Variants in BRINP3 observed in about 807,000 individuals in gnomAD.
BRINP3 encodes the protein BMP/retinoic acid-inducible neural-specific protein 3.
A neutral mutation model predicts 71.0 loss-of-function variants in BRINP3; 19 were observed. The ratio of observed to expected loss-of-function variants is 0.27; its 90% CI spans 0.19 to 0.39. BRINP3 has a LOEUF of 0.39. BRINP3 is among the 10% of genes least tolerant of loss of function. The probability of loss-of-function intolerance (pLI) is 1.00; values close to 1 mark genes in which losing one functional copy is unlikely to be tolerated. For missense variants in BRINP3, 959 were observed against 940.8 expected (o/e 1.02, Z -0.25); for synonymous variants, 380 against 337.7 (o/e 1.13, Z -1.37).
intron 2 of BRINP3, among the ~76,000 whole-genome samples, chr1:190,447,879 T>A (rs1169221126): frequency 6.6e-6 from 1 of 151,690 alleles, no homozygotes. Context: ...ATATTTTGCC[T>A]GATCATAAAA....
At chr1:190,277,087 T>TTATATATATATA (rs1222129309) in intron 3 of BRINP3, among the ~76,000 whole-genome samples, 1,815 of 35,940 alleles carry the variant, frequency 0.051, 115 homozygotes, top group Non-Finnish European at 0.058. Context: ...AATTTTGGTT[T>TTATATATATATA]TATATATATA....
chr1:190,353,120 T>C (rs1668504801), intron 2 of BRINP3, among the ~76,000 whole-genome samples: 1 of 150,224 alleles, frequency 6.7e-6, no homozygotes, highest in Non-Finnish European at 1.5e-5. Context: ...CCAGAGAACA[T>C]GTTGTGTTTT....
chr1:190,400,322 C>T lies in BRINP3; in HGVS notation c.236+54333G>A, dbSNP rs924061627. Reference sequence around the variant, plus strand: ...AATTCGGAATAAATAAGTCACAAAACAATATTGAAATAGTATAAGACAATG... The same window carrying T: ...AATTCGGAATAAATAAGTCACAAAATAATATTGAAATAGTATAAGACAATG... On this transcript the variant is annotated intron_variant, in intron 2 of 7. Transcript: ENST00000367462. Among the ~76,000 whole-genome samples, 50 of 152,094 alleles carry T rather than the reference C, an allele frequency of 3.3e-4. 1 individual carries two copies. Among genetic ancestry groups the T allele is most frequent in the Admixed American group, 3.1e-3 (48 of 15,266 alleles).
intron 1 of BRINP3, among the ~76,000 whole-genome samples, chr1:190,463,385 A>G (rs934664078): frequency 2.6e-5 from 4 of 151,684 alleles, no homozygotes; most frequent in African/African-American, 9.7e-5. Context: ...GGTCATTTCT[A>G]ACAAGTATTA....
intron 1 of BRINP3, among the ~76,000 whole-genome samples, chr1:190,463,070 G>T (rs1281736751): frequency 6.6e-6 from 1 of 151,684 alleles, no homozygotes; most frequent in Non-Finnish European, 1.5e-5. Flanking sequence ...GATATTTATT[G>T]GGTTGAAAAG....
intron 2 of BRINP3, among the ~76,000 whole-genome samples, chr1:190,283,495 A>C (rs1007118402): frequency 2.6e-5 from 4 of 151,778 alleles, no homozygotes; most frequent in African/African-American, 9.7e-5. Context: ...AATTTATTAT[A>C]ATGTTCCCTC....
intron 2 of BRINP3, among the ~76,000 whole-genome samples, chr1:190,315,216 G>T (rs1377550027): frequency 6.6e-6 from 1 of 152,088 alleles, no homozygotes; most frequent in Non-Finnish European, 1.5e-5. Context: ...AGGAAACAGG[G>T]AGGACTGAAT....
chr1:190,276,961 A>G (rs1459182148), intron 3 of BRINP3, among the ~76,000 whole-genome samples: 1 of 149,590 alleles, frequency 6.7e-6, no homozygotes, highest in African/African-American at 2.4e-5. Context: ...TAAATTGTAC[A>G]TTCAATAACA....
Position 190,390,377 on chromosome 1 carries a change from C to T in BRINP3, c.236+64278G>A, listed in dbSNP as rs891549473. Among the ~76,000 whole-genome samples the T allele has an allele frequency of 2.6e-5, 4 of 151,748 alleles. No individual in the cohort carries two copies. In the East Asian group the frequency reaches 7.8e-4, roughly 29 times the overall value. On this transcript the variant is annotated intron_variant, in intron 2 of 7. Transcript: ENST00000367462. ...GTAATGACAATGTCTAAGACATGAC[C>T]ATGGTGTGAATGCTTAGATAGAAAA...
In BRINP3 at chr1:190,203,776, T is replaced by A. The variant is rs1319374784; in HGVS notation, c.961+22306A>T. On this transcript the variant is annotated intron_variant, in intron 6 of 7. Transcript: ENST00000367462. ...ATATATATATATATATATATATATA[T>A]ATATATATATATATATATATATATA... 4.1e-4 allele frequency among the ~76,000 whole-genome samples: 33 copies of A among 80,490 alleles called. 1 individual carries two copies. The highest frequency in any genetic ancestry group is 1.3e-3 in the South Asian group (3 of 2,354). The allele number at this position is 80,490 out of a possible 152,430, so 52.8% of individuals were successfully genotyped here.
intron 2 of BRINP3, among the ~76,000 whole-genome samples, chr1:190,323,595 T>C (rs1189689236): frequency 7.1e-6 from 1 of 140,806 alleles, no homozygotes; most frequent in South Asian, 2.2e-4. Flanking sequence ...CTTAAGAAAA[T>C]ACAAAAAAAA....
rs376141268 is a variant in BRINP3 at position 190,099,009 on chromosome 1, G to A, written c.1310C>T (p.Ala437Val). 17 of 1,614,048 alleles carry A rather than the reference G, an allele frequency of 1.1e-5. No homozygotes were observed. Among genetic ancestry groups the A allele is most frequent in the African/African-American group, 2.7e-5 (2 of 74,934 alleles). The part of the protein sequence containing the change: ...TCPNDQVVCT[A>V]FLPCTVGDAS... The stretch of plus-strand genomic sequence containing the variant: ...GTCTCCCACTGTGCAGGGCAGGAAC[G>A]CGGTGCAGACCACCTGGTCATTCGG... Residue 437 changes from alanine (A) to valine (V), a missense_variant, in exon 8 of 8, where the codon GCG (alanine) becomes GTG (valine). Transcript: ENST00000367462.
chr1:190,454,588 G>T, intron 2 of BRINP3, 67 bp downstream of exon 2: 1 of 1,339,776 alleles, frequency 7.5e-7, no homozygotes, highest in South Asian at 1.3e-5. Context: ...CTTTCCCTTA[G>T]AGAAACTTAT....
intron 2 of BRINP3, among the ~76,000 whole-genome samples, chr1:190,299,522 C>T (rs527784270): frequency 2.6e-5 from 4 of 151,230 alleles, no homozygotes; most frequent in African/African-American, 7.3e-5. Flanking sequence ...CATGCTGGTG[C>T]GCTGCACCCA....
At chr1:190,199,882 A>C (rs1210515760) in intron 6 of BRINP3, among the ~76,000 whole-genome samples, 2 of 152,058 alleles carry the variant, frequency 1.3e-5, no homozygotes, top group Admixed American at 1.3e-4. Flanking sequence ...GGCAAAAAAC[A>C]AAAATAACAA....
intron 2 of BRINP3, among the ~76,000 whole-genome samples, chr1:190,394,415 C>A (rs909090882): frequency 6.6e-6 from 1 of 151,440 alleles, no homozygotes; most frequent in Non-Finnish European, 1.5e-5. Flanking sequence ...CACTGTTTTT[C>A]AAATTACTAA....
intron 2 of BRINP3, among the ~76,000 whole-genome samples, chr1:190,300,329 C>T (rs1359511998): frequency 6.6e-6 from 1 of 152,118 alleles, no homozygotes; most frequent in African/African-American, 2.4e-5. Flanking sequence ...CCCTTTCTTC[C>T]AGTTGATCGC....
chr1:190,338,227 G>A (rs1463783222), intron 2 of BRINP3, among the ~76,000 whole-genome samples: 1 of 152,050 alleles, frequency 6.6e-6, no homozygotes, highest in Non-Finnish European at 1.5e-5. Flanking sequence ...AGTATCTAAA[G>A]CTAGTAGGAA....
intron 4 of BRINP3, among the ~76,000 whole-genome samples, chr1:190,251,968 A>C (rs780518392): frequency 2.6e-4 from 39 of 151,568 alleles, no homozygotes; most frequent in Non-Finnish European, 4.7e-4. Flanking sequence ...GATTTTGAAA[A>C]CATTGAGTTC....
Sources: allele counts gnomAD v4.1 joint callset (sites outside exome capture counted in the v4.1 genomes callset), GRCh38; gene constraint gnomAD v4.1.1; transcripts MANE v1.5; gene names NCBI Gene and HGNC (gene_info 2026-07-23, HGNC 2026-07-21).